TTYH2: variants seen among roughly 807,000 people sequenced by gnomAD.
The protein encoded by TTYH2 is protein tweety homolog 2.
A neutral mutation model predicts 68.3 loss-of-function variants in TTYH2; 49 were observed. The observed-to-expected ratio is 0.72, with a 90% CI of 0.57 to 0.91. TTYH2 has a LOEUF of 0.91. Among genes scored for constraint, TTYH2 ranks in the 40% least tolerant of loss-of-function variants. The pLI, the probability that TTYH2 is intolerant of heterozygous loss-of-function variation, is 0.00. For synonymous variants in TTYH2, 272 were observed against 300.8 expected, an observed-to-expected ratio of 0.90 and a Z score of 0.99; for missense variants, 631 against 700.4, an observed-to-expected ratio of 0.90 and a Z score of 1.12.
chr17:74,221,645 A>T (rs938985464), intron 1 of TTYH2, among the ~76,000 whole-genome samples: 1 of 152,144 alleles, frequency 6.6e-6, no homozygotes, highest in African/African-American at 2.4e-5. Flanking sequence ...AAATCAAGAG[A>T]TGAATGAGCA....
In TTYH2 at chr17:74,261,937, G is replaced by A. The variant is rs1567824935; in HGVS notation, c.*1728G>A. On this transcript the variant is annotated 3_prime_UTR_variant, in exon 14 of 14. Coordinates refer to ENST00000269346, the MANE Select transcript of TTYH2 (RefSeq NM_032646.6). ...GGAAACTAAACAGATTCCTCGGGGA[G>A]TTCCTGAAGGAACCAGGTGGGCAAA... 1.3e-5 allele frequency: 2 copies of A among 152,624 alleles called. No individual in the cohort carries two copies. Among genetic ancestry groups the A allele is most frequent in the Non-Finnish European group, 1.5e-5 (1 of 68,046 alleles). The allele number at this position is 152,624 out of a possible 1,614,324, so 9.5% of individuals were successfully genotyped here. A position where few individuals can be genotyped will look rare whatever the true frequency, so the allele number is the denominator to read the frequency against.
At chr17:74,228,187 T>C (rs1421424893) in intron 2 of TTYH2, among the ~76,000 whole-genome samples, 2 of 152,040 alleles carry the variant, frequency 1.3e-5, no homozygotes, top group East Asian at 3.9e-4. Flanking sequence ...TTTCGCCATG[T>C]TGGCCAGGCT....
intron 2 of TTYH2, among the ~76,000 whole-genome samples, chr17:74,225,817 C>T (rs893866531): frequency 1.3e-5 from 2 of 151,852 alleles, no homozygotes; most frequent in Admixed American, 6.5e-5. Flanking sequence ...TGTGAGGGAT[C>T]AACCCCTGTA....
At chr17:74,225,805 C>T (rs73995090) in intron 2 of TTYH2, among the ~76,000 whole-genome samples, 3,041 of 152,286 alleles carry the variant, frequency 0.02, 100 homozygotes, top group African/African-American at 0.069. Flanking sequence ...CGAGACATTC[C>T]GTGTGAGGGA....
At chr17:74,224,497 A>G (rs949921833) in intron 2 of TTYH2, among the ~76,000 whole-genome samples, 1 of 152,242 alleles carries the variant, frequency 6.6e-6, no homozygotes, top group Non-Finnish European at 1.5e-5. Flanking sequence ...TGAGGAGTCA[A>G]TTCTTCTAAT....
At chr17:74,223,181 T>C (rs889157678) in intron 2 of TTYH2, among the ~76,000 whole-genome samples, 2 of 151,532 alleles carry the variant, frequency 1.3e-5, no homozygotes, top group Non-Finnish European at 1.5e-5. Context: ...CGATCACAGC[T>C]CACTGCAGCC....
In TTYH2 at chr17:74,222,343, G is replaced by A; in HGVS notation, c.130-142G>A. 2.0e-6 allele frequency: 2 copies of A among 1,006,386 alleles called. No homozygotes were observed. Among genetic ancestry groups the A allele is most frequent in the South Asian group, 1.7e-5 (1 of 57,452 alleles). 62.3% of individuals were successfully genotyped at this position (1,006,386 alleles called of 1,614,324 possible). The stretch of plus-strand genomic sequence containing the variant: ...CGGGCCCTCTGTTTACAGAGTAGGA[G>A]CTTGAACCCTAGGTGGAGCTTGGAA... On this transcript the variant is annotated intron_variant, in intron 1 of 13. Transcript: ENST00000269346. The surrounding 1 kb of genome is among the most constrained non-coding windows in gnomAD (Gnocchi z 5.2).
chr17:74,249,052 G>A lies in TTYH2; in HGVS notation c.846G>A (p.Leu282=). 4 of 1,614,156 alleles carry A rather than the reference G, an allele frequency of 2.5e-6. No homozygotes were observed. Among genetic ancestry groups the A allele is most frequent in the Non-Finnish European group, 3.4e-6 (4 of 1,180,022 alleles). The change falls in exon 7 of 14, where the codon CTG becomes CTA. Residue 282 remains leucine, a synonymous_variant. Coordinates refer to ENST00000269346, the MANE Select transcript of TTYH2 (RefSeq NM_032646.6). ...GTGTGGCTCCTGACACCTTCATCCT[G>A]AACGTCACGGAGGGCCAGATCAGCA... is the stretch of plus-strand genomic sequence containing the variant. ...DFCVAPDTFI[L]NVTEGQISTE...
In TTYH2 at chr17:74,260,135, C is replaced by T. The variant is rs754874965; in HGVS notation, c.1531C>T (p.Pro511Ser). 9.9e-6 allele frequency: 16 copies of T among 1,613,680 alleles called. No individual in the cohort carries two copies. The East Asian group carries it at 2.9e-4, about 29-fold the overall frequency. Residue 511 changes from proline (P) to serine (S), a missense_variant, in exon 14 of 14, where the codon CCC (proline) becomes TCC (serine). By Grantham distance (74) the Pro-to-Ser change is moderately conservative (BLOSUM62 -1). Transcript: ENST00000269346. ...GRASPPPTYS[P>S]SMRATYLSVA... ...CTCTCTTCTCTCTTGGCAGTACTCT[C>T]CCAGCATGAGAGCCACCTACCTGTC...
rs149326468 is a variant in TTYH2 at position 74,249,363 on chromosome 17, G to A, written c.894G>A (p.Leu298=). 1 of 1,614,126 alleles carries A rather than the reference G, an allele frequency of 6.2e-7. No homozygotes were observed. Among genetic ancestry groups the A allele is most frequent in the Non-Finnish European group, 8.5e-7 (1 of 1,180,028 alleles). ...QISTEVTRYY[L]YCSQSGSSPF... ...CTGCAGAGGTGACTCGCTACTACCT[G>A]TATTGCAGCCAGAGTGGAAGCAGCC... The change falls in exon 8 of 14, where the codon CTG becomes CTA. Residue 298 remains leucine, a synonymous_variant. Transcript: ENST00000269346.
intron 12 of TTYH2, among the ~76,000 whole-genome samples, chr17:74,253,482 C>T (rs2050659152): frequency 6.6e-6 from 1 of 152,218 alleles, no homozygotes; most frequent in Non-Finnish European, 1.5e-5. Flanking sequence ...TCAGCAGCCT[C>T]TGCCACAAGC....
At chr17:74,254,431 G>T (rs1392049825) in intron 13 of TTYH2, among the ~76,000 whole-genome samples, 2 of 152,210 alleles carry the variant, frequency 1.3e-5, no homozygotes, top group Non-Finnish European at 2.9e-5. Flanking sequence ...GCCTCCCAAA[G>T]TGCTGGGATT....
Position 74,230,894 on chromosome 17 carries a change from G to C in TTYH2, c.309G>C (p.Ala103=). ...TTTGGGATCTTGCTTATAGTGCTGCGGTGGGCGTTGGTTTCTATGGAAACA... is the reference window on the plus strand; with the variant it reads ...TTTGGGATCTTGCTTATAGTGCTGCCGTGGGCGTTGGTTTCTATGGAAACA... ...AVVAGLICCA[A]VGVGFYGNSE... is the part of the protein sequence containing the mutation. The change falls in exon 3 of 14, where the codon GCG becomes GCC. Residue 103 remains alanine (A), a synonymous_variant. Transcript: ENST00000269346. 1.2e-6 allele frequency: 2 copies of C among 1,614,022 alleles called. No individual in the cohort carries two copies. The highest frequency in any genetic ancestry group is 1.7e-6 in the Non-Finnish European group (2 of 1,179,976).
intron 13 of TTYH2, among the ~76,000 whole-genome samples, chr17:74,257,812 T>A (rs573640305): frequency 6.6e-6 from 1 of 152,346 alleles, no homozygotes; most frequent in South Asian, 2.1e-4. Flanking sequence ...TGGGAGATTC[T>A]AAGTTTAACA....
At chr17:74,253,973 G>A (rs1473099603) in intron 13 of TTYH2, 140 bp downstream of exon 13, 1 of 820,764 alleles carries the variant, frequency 1.2e-6, no homozygotes, top group Admixed American at 2.2e-5. Context: ...AGACCGTCGT[G>A]GGTATCCCAG....
intron 13 of TTYH2, among the ~76,000 whole-genome samples, chr17:74,258,227 T>C (rs1336529554): frequency 6.6e-6 from 1 of 152,142 alleles, no homozygotes. Flanking sequence ...ACCCACCCTG[T>C]TTCTGATTCA....
Position 74,213,734 on chromosome 17 carries a change from C to T in TTYH2, c.129+18C>T, listed in dbSNP as rs755285596. 4.4e-6 allele frequency: 7 copies of T among 1,606,818 alleles called. No homozygotes were observed. In the African/African-American group the frequency reaches 6.7e-5, roughly 15 times the overall value. The stretch of plus-strand genomic sequence containing the variant: ...ACCAGGAGGTAAGTTTACGCCGCCC[C>T]AGACCGCAGCCACGCGCGCCCCAAG... On this transcript the variant is annotated intron_variant, in intron 1 of 13. Transcript: ENST00000269346. This position sits in a 1 kb window ranked among gnomAD's most constrained non-coding sequence, Gnocchi z 6.1.
intron 3 of TTYH2, among the ~76,000 whole-genome samples, chr17:74,236,217 T>C (rs2050441713): frequency 6.6e-6 from 1 of 152,200 alleles, no homozygotes; most frequent in African/African-American, 2.4e-5. Context: ...TCCTGCCTCA[T>C]GTCCAGGCTC....
intron 13 of TTYH2, among the ~76,000 whole-genome samples, chr17:74,254,182 TATTTA>T (rs1567822214): frequency 2.0e-5 from 3 of 151,344 alleles, no homozygotes; most frequent in South Asian, 2.1e-4. Flanking sequence ...TTTATTTATT[TATTTA>T]TTTTTTGAGG....
Sources: gnomAD v4.1 joint callset for allele counts (sites outside exome capture counted in the v4.1 genomes callset) on GRCh38, gnomAD v4.1.1 for gene constraint, Gnocchi (gnomAD v3.1) non-coding constraint, MANE v1.5 for transcripts, NCBI Gene and HGNC (gene_info 2026-07-23, HGNC 2026-07-21) for gene names.